Variants in SPECC1 observed in about 807,000 individuals in gnomAD.
SPECC1 encodes the protein sperm antigen with calponin homology and coiled-coil domains 1.
A neutral mutation model predicts 104.1 loss-of-function variants in SPECC1; 62 were observed. The observed-to-expected ratio is 0.60, with a 90% CI of 0.49 to 0.74. The LOEUF (loss-of-function observed/expected upper bound fraction) is 0.74. Among genes scored for constraint, SPECC1 ranks in the 30% least tolerant of loss-of-function variants. The pLI, the probability that SPECC1 is intolerant of heterozygous loss-of-function variation, is 0.00. For synonymous variants in SPECC1, 513 were observed against 501.6 expected (o/e 1.02, Z -0.30); for missense variants, 1,306 against 1,310.5 (o/e 1.00, Z 0.05).
intron 13 of SPECC1, among the ~76,000 whole-genome samples, chr17:20,300,682 A>C (rs1183260522): frequency 6.6e-6 from 1 of 152,278 alleles, no homozygotes; most frequent in Non-Finnish European, 1.5e-5. Context: ...TTCTGAGCGC[A>C]GAGGCTCCGC....
chr17:20,310,599 G>A (rs2142215275), intron 14 of SPECC1, among the ~76,000 whole-genome samples: 1 of 152,362 alleles, frequency 6.6e-6, no homozygotes, highest in Middle Eastern at 3.4e-3. Context: ...TGATGTCACT[G>A]TCATAAAAAC....
intron 2 of SPECC1, among the ~76,000 whole-genome samples, chr17:20,107,053 G>C (rs144066442): frequency 6.8e-6 from 1 of 147,930 alleles, no homozygotes; most frequent in East Asian, 2.0e-4. Flanking sequence ...ACTACTACTT[G>C]GGAGGATGAG....
At chr17:20,163,663 C>T (rs1165866178) in intron 3 of SPECC1, among the ~76,000 whole-genome samples, 2 of 151,440 alleles carry the variant, frequency 1.3e-5, no homozygotes, top group African/African-American at 2.4e-5. Flanking sequence ...TGGGTGCAGG[C>T]GGTCCTCTCA....
chr17:20,103,033 C>G (rs2048015878), intron 2 of SPECC1, among the ~76,000 whole-genome samples: 1 of 152,166 alleles, frequency 6.6e-6, no homozygotes, highest in South Asian at 2.1e-4. Context: ...GTGATTTGCC[C>G]AAGGTCACAC....
intron 12 of SPECC1, among the ~76,000 whole-genome samples, chr17:20,272,038 C>G (rs1291751131): frequency 1.3e-5 from 2 of 149,706 alleles, no homozygotes; most frequent in African/African-American, 4.9e-5. Flanking sequence ...TTCTGGTTGT[C>G]TCCAGGATTC....
intron 12 of SPECC1, among the ~76,000 whole-genome samples, chr17:20,288,870 G>GC (rs1035334133): frequency 9.7e-5 from 13 of 133,430 alleles, no homozygotes; most frequent in Non-Finnish European, 1.2e-4. Context: ...TGCAACCTCC[G>GC]CCCCCCCGGG....
chr17:20,178,083 C>T (rs1053683122), intron 3 of SPECC1, among the ~76,000 whole-genome samples: 54 of 152,008 alleles, frequency 3.6e-4, no homozygotes, highest in African/African-American at 1.2e-3. Context: ...TGCAGTGGTA[C>T]GATCACTGCT....
chr17:20,274,334 G>A (rs1052392823), intron 12 of SPECC1, among the ~76,000 whole-genome samples: 15 of 152,168 alleles, frequency 9.9e-5, no homozygotes, highest in African/African-American at 1.9e-4. Flanking sequence ...ACCTGAGTGC[G>A]GCACAGCGCC....
chr17:20,158,915 G>T (rs539531218), intron 3 of SPECC1, among the ~76,000 whole-genome samples: 1 of 150,410 alleles, frequency 6.6e-6, no homozygotes, highest in Non-Finnish European at 1.5e-5. Context: ...CGGCTGTTTC[G>T]TTTTTGTTTT....
intron 2 of SPECC1, among the ~76,000 whole-genome samples, chr17:20,102,580 T>C (rs1347241361): frequency 1.3e-5 from 2 of 152,132 alleles, no homozygotes; most frequent in Admixed American, 1.3e-4. Context: ...TGGAACACAA[T>C]AGCTGATGTG....
At chr17:20,227,932 A>G (rs1394388664) in intron 5 of SPECC1, among the ~76,000 whole-genome samples, 2 of 151,900 alleles carry the variant, frequency 1.3e-5, no homozygotes, top group African/African-American at 4.8e-5. Flanking sequence ...GGAGCTGAGT[A>G]GGACACTAAA....
At position 20,296,512 on chromosome 17, in the gene SPECC1, T is replaced by C. The variant is rs192113322; in HGVS notation, c.2941-449T>C. ...TTGTCTTGGCAATGCAGGCTCATTT[T>C]TGGTTCCATATGAACTTTAAAGTAG... On this transcript the variant is annotated intron_variant, in intron 12 of 14. Coordinates refer to ENST00000395527, the MANE Select transcript of SPECC1 (RefSeq NM_001243439.2). Among the ~76,000 whole-genome samples the C allele has an allele frequency of 8.9e-3, 1,352 of 152,326 alleles. 16 individuals are homozygous for C. Among genetic ancestry groups the C allele is most frequent in the Non-Finnish European group, 0.013 (897 of 68,026 alleles).
At chr17:20,216,663 T>A (rs2703818) in intron 4 of SPECC1, among the ~76,000 whole-genome samples, 107,660 of 151,950 alleles carry the variant, frequency 0.71, 39,940 homozygotes, top group East Asian at 0.99. Context: ...AGTGGCTTTC[T>A]CTGTCCTCTC....
chr17:20,128,137 C>T (rs1463920785), intron 3 of SPECC1, among the ~76,000 whole-genome samples: 1 of 152,134 alleles, frequency 6.6e-6, no homozygotes, highest in African/African-American at 2.4e-5. Flanking sequence ...AAGACAGATG[C>T]TTGTACATTA....
chr17:20,204,536 A>G lies in SPECC1; in HGVS notation c.487A>G (p.Lys163Glu), dbSNP rs765861621. The change falls in exon 4 of 15, where the codon AAG becomes GAG. Residue 163 changes from lysine (K) to glutamate (E), a missense_variant. Lys to Glu is a moderately conservative substitution (Grantham distance 56). Coordinates refer to ENST00000395527, the MANE Select transcript of SPECC1 (RefSeq NM_001243439.2). ...KPKQENEGGE[K>E]AALESQVREL... ...CAAGCAAGAGAATGAAGGTGGAGAA[A>G]AGGCTGCGCTTGAGTCCCAAGTTCG... 1.2e-6 allele frequency: 2 copies of G among 1,614,170 alleles called. No homozygotes were observed. Among genetic ancestry groups the G allele is most frequent in the Non-Finnish European group, 1.7e-6 (2 of 1,180,032 alleles).
intron 3 of SPECC1, among the ~76,000 whole-genome samples, chr17:20,117,091 G>C (rs991568334): frequency 6.6e-6 from 1 of 151,942 alleles, no homozygotes; most frequent in Non-Finnish European, 1.5e-5. Context: ...TGGAACGGTG[G>C]ACAAAGTGCA....
rs78532287 is a variant in SPECC1, at chr17:20,009,366, A to G, written c.-80A>G. The G allele has an allele frequency of 0.095, 14,394 of 151,606 alleles. 782 individuals are homozygous for G. Among genetic ancestry groups the G allele is most frequent in the Non-Finnish European group, 0.12 (8,466 of 67,960 alleles). 9.4% of individuals were successfully genotyped at this position (151,606 alleles called of 1,614,324 possible). A position where few individuals can be genotyped will look rare whatever the true frequency, so the allele number is the denominator to read the frequency against. On this transcript the variant is annotated 5_prime_UTR_variant, in exon 1 of 15. Transcript: ENST00000395527. This position sits in a 1 kb window ranked among gnomAD's most constrained non-coding sequence, Gnocchi z 5.2. Reference sequence around the variant, plus strand: ...AGCGCGGGTCCCTCTCCTGAGCATCAGTGAGCGCCCGGAGCCGTGGCCGCT... The same window carrying G: ...AGCGCGGGTCCCTCTCCTGAGCATCGGTGAGCGCCCGGAGCCGTGGCCGCT...
chr17:20,293,365 C>A (rs1479819056), intron 12 of SPECC1, among the ~76,000 whole-genome samples: 1 of 152,180 alleles, frequency 6.6e-6, no homozygotes, highest in Non-Finnish European at 1.5e-5. Context: ...TTCTCTTATT[C>A]CATCTTAATG....
chr17:20,161,673 A>C (rs1056622539), intron 3 of SPECC1, among the ~76,000 whole-genome samples: 2 of 151,854 alleles, frequency 1.3e-5, no homozygotes, highest in Non-Finnish European at 2.9e-5. Flanking sequence ...TTTAAAATTA[A>C]TATGCTTTTA....
Sources: allele counts gnomAD v4.1 joint callset (sites outside exome capture counted in the v4.1 genomes callset), GRCh38; gene constraint gnomAD v4.1.1; non-coding constraint Gnocchi (gnomAD v3.1); transcripts MANE v1.5; gene names NCBI Gene and HGNC (gene_info 2026-07-23, HGNC 2026-07-21).